Variants in OR3A2 observed in about 807,000 individuals in gnomAD.
The protein encoded by OR3A2 is olfactory receptor family 3 subfamily A member 2.
For missense variants in OR3A2, 318 were observed against 392.8 expected, an observed-to-expected ratio of 0.81 and a Z score of 1.61; for synonymous variants, 126 against 159.3, an observed-to-expected ratio of 0.79 and a Z score of 1.57.
chr17:3,326,711 A>C (rs1291233087), intron 3 of OR3A2, among the ~76,000 whole-genome samples: 14 of 42,722 alleles, frequency 3.3e-4, no homozygotes, highest in South Asian at 9.4e-4. Flanking sequence ...CCCTCCCCCC[A>C]CTCCACCACA....
At chr17:3,372,903 G>GAGAGGA (rs1491162600) in intron 2 of OR3A2, among the ~76,000 whole-genome samples, 1 of 133,274 alleles carries the variant, frequency 7.5e-6, no homozygotes, top group East Asian at 2.6e-4. Context: ...GAGGGAGAGG[G>GAGAGGA]AGAGGGCTCT....
chr17:3,303,622 G>A (rs1015641241), intron 3 of OR3A2, among the ~76,000 whole-genome samples: 7 of 151,922 alleles, frequency 4.6e-5, no homozygotes, highest in Admixed American at 1.3e-4. Flanking sequence ...GTGCATGCCT[G>A]TAGTCCCAGC....
chr17:3,374,379 C>T (rs2049661235), intron 2 of OR3A2, among the ~76,000 whole-genome samples: 1 of 152,132 alleles, frequency 6.6e-6, no homozygotes, highest in African/African-American at 2.4e-5. Context: ...TCAATTATTC[C>T]CTTCAGTAAG....
intron 3 of OR3A2, among the ~76,000 whole-genome samples, chr17:3,326,422 G>C (rs781373519): frequency 6.6e-6 from 1 of 151,986 alleles, no homozygotes; most frequent in Admixed American, 6.6e-5. Context: ...GGAAGTCAGG[G>C]ACCCCAAATG....
At chr17:3,339,244 T>C (rs372636419) in intron 2 of OR3A2, among the ~76,000 whole-genome samples, 4 of 152,302 alleles carry the variant, frequency 2.6e-5, no homozygotes, top group Admixed American at 6.5e-5. Flanking sequence ...CTTTTCCCAA[T>C]TGAATACACT....
chr17:3,369,751 G>C (rs190654632), intron 2 of OR3A2, among the ~76,000 whole-genome samples: 13 of 148,984 alleles, frequency 8.7e-5, no homozygotes, highest in African/African-American at 3.2e-4. Flanking sequence ...TTCACAGAAT[G>C]ATTTAGGGAA....
intron 1 of OR3A2, among the ~76,000 whole-genome samples, chr17:3,279,657 G>A (rs565377360): frequency 2.5e-4 from 38 of 152,236 alleles, no homozygotes; most frequent in African/African-American, 8.9e-4. Flanking sequence ...GTGTGGTGGG[G>A]GGCACTTGTA....
At chr17:3,296,504 T>G (rs2048919211) in intron 3 of OR3A2, among the ~76,000 whole-genome samples, 1 of 152,228 alleles carries the variant, frequency 6.6e-6, no homozygotes, top group East Asian at 1.9e-4. Context: ...AGAAATCTTT[T>G]ATGGGTAGGA....
intron 3 of OR3A2, among the ~76,000 whole-genome samples, chr17:3,330,905 C>A (rs2049226560): frequency 6.6e-6 from 1 of 151,650 alleles, no homozygotes; most frequent in African/African-American, 2.4e-5. Context: ...TAGGGCAGGC[C>A]TGGTGGTGAC....
chr17:3,385,215 T>C (rs1262963537), intron 1 of OR3A2, among the ~76,000 whole-genome samples: 1 of 152,040 alleles, frequency 6.6e-6, no homozygotes, highest in Non-Finnish European at 1.5e-5. Context: ...AATAAATAAA[T>C]AAATCTTGTC....
chr17:3,324,542 G>A (rs559112626), intron 3 of OR3A2, among the ~76,000 whole-genome samples: 123 of 152,042 alleles, frequency 8.1e-4, no homozygotes, highest in African/African-American at 1.1e-3. Flanking sequence ...TTTTTGGTGC[G>A]GATGTCCTTC....
chr17:3,286,106 G>C (rs139586741), upstream of OR3A2, among the ~76,000 whole-genome samples: 2,648 of 151,644 alleles, frequency 0.017, 86 homozygotes, highest in African/African-American at 0.06. Flanking sequence ...TGGTCTTCCC[G>C]TCCCTGCGTC....
intron 2 of OR3A2, among the ~76,000 whole-genome samples, chr17:3,381,537 C>G (rs1358068572): frequency 6.6e-6 from 1 of 152,132 alleles, no homozygotes; most frequent in Non-Finnish European, 1.5e-5. Context: ...TCATATCTCC[C>G]CATCGCCTGA....
chr17:3,304,140 G>C (rs1250086702), intron 3 of OR3A2, among the ~76,000 whole-genome samples: 1 of 152,062 alleles, frequency 6.6e-6, no homozygotes, highest in Non-Finnish European at 1.5e-5. Context: ...CACAACCTGT[G>C]TGATGGCTGG....
chr17:3,318,912 G>T (rs2049097457), intron 3 of OR3A2, among the ~76,000 whole-genome samples: 1 of 152,056 alleles, frequency 6.6e-6, no homozygotes, highest in Non-Finnish European at 1.5e-5. Flanking sequence ...CTTACAATGT[G>T]ATCAGTGAAT....
intron 3 of OR3A2, among the ~76,000 whole-genome samples, chr17:3,323,190 C>T (rs1161783612): frequency 6.6e-6 from 1 of 151,980 alleles, no homozygotes; most frequent in Non-Finnish European, 1.5e-5. Flanking sequence ...AATTGCAACC[C>T]CTGCCTTTTT....
upstream of OR3A2, among the ~76,000 whole-genome samples, chr17:3,288,906 C>T (rs1225492646): frequency 1.3e-5 from 2 of 151,982 alleles, no homozygotes; most frequent in African/African-American, 2.4e-5. Context: ...TATTGGCAGT[C>T]GCAAAAATAG....
At chr17:3,310,617 G>A (rs9903671) in intron 3 of OR3A2, 12 of 540,202 alleles carry the variant, frequency 2.2e-5, no homozygotes, top group Non-Finnish European at 3.4e-5. Context: ...CTGCCTCTCC[G>A]AGCTCTTCTT....
At chr17:3,360,178 T>C (rs918098265) in intron 2 of OR3A2, among the ~76,000 whole-genome samples, 2 of 151,888 alleles carry the variant, frequency 1.3e-5, no homozygotes, top group Non-Finnish European at 1.5e-5. Flanking sequence ...CCAGTGATGA[T>C]GAACATTTTT....
Sources: gnomAD v4.1 joint callset for allele counts (sites outside exome capture counted in the v4.1 genomes callset) on GRCh38, gnomAD v4.1.1 for gene constraint, MANE v1.5 for transcripts, NCBI Gene and HGNC (gene_info 2026-07-23, HGNC 2026-07-21) for gene names.